Variants in IVD observed in about 807,000 individuals in gnomAD.
The protein encoded by IVD is isovaleryl-CoA dehydrogenase.
IVD carries 31 observed loss-of-function variants against 51.3 expected under a neutral mutation model. The observed-to-expected ratio is 0.60, with a 90% CI of 0.45 to 0.81. The LOEUF is 0.81. Among genes scored for constraint, IVD ranks in the 40% least tolerant of loss-of-function variants. IVD has a pLI of 0.00. For missense variants in IVD, 475 were observed against 552.0 expected (o/e 0.86, Z 1.40); for synonymous variants, 205 against 219.4 (o/e 0.93, Z 0.58).
chr15:40,419,643 C>G lies in IVD; in HGVS notation c.*1380C>G, dbSNP rs1290340978. The G allele has an allele frequency of 6.3e-6, 1 of 157,580 alleles. No individual in the cohort carries two copies. Among genetic ancestry groups the G allele is most frequent in the African/African-American group, 2.4e-5 (1 of 41,144 alleles). 9.8% of individuals were successfully genotyped at this position (157,580 alleles called of 1,614,324 possible). ...TGGCCAAGATGGTAAAACCTCGTCT[C>G]TACTAAAAATACAAAAATTAGCCAG... On this transcript the variant is annotated 3_prime_UTR_variant, in exon 12 of 12. Transcript: ENST00000487418.
downstream of IVD, among the ~76,000 whole-genome samples, chr15:40,426,704 G>T (rs892370355): frequency 6.6e-6 from 1 of 152,116 alleles, no homozygotes; most frequent in Non-Finnish European, 1.5e-5. Context: ...GTAGTTGTGG[G>T]CCTATTAGAA....
Position 40,412,483 on chromosome 15 carries a change from G to C in IVD, c.688-508G>C, listed in dbSNP as rs141426265. ...CTGAGATTGGAAATCTCAAGGTTGC[G>C]TGATGCCACCCTCATTACAGGCTGA... On this transcript the variant is annotated intron_variant, in intron 6 of 11. Coordinates refer to ENST00000487418, the MANE Select transcript of IVD (RefSeq NM_002225.5). 28 of 189,834 alleles carry C rather than the reference G, an allele frequency of 1.5e-4. No homozygotes were observed. The South Asian group carries it at 1.6e-3, about 11-fold the overall frequency. 11.8% of individuals were successfully genotyped at this position (189,834 alleles called of 1,614,324 possible). A position where few individuals can be genotyped will look rare whatever the true frequency, so the allele number is the denominator to read the frequency against.
At chr15:40,406,820 C>T (rs1197423681) in intron 1 of IVD, among the ~76,000 whole-genome samples, 2 of 151,894 alleles carry the variant, frequency 1.3e-5, no homozygotes, top group African/African-American at 4.8e-5. Context: ...GGTTCAATCC[C>T]TATTCTCAAG....
Position 40,411,157 on chromosome 15 carries a change from G to A in IVD, c.457-103G>A, listed in dbSNP as rs185945652. 128 of 1,135,706 alleles carry A rather than the reference G, an allele frequency of 1.1e-4. No homozygotes were observed. The East Asian group carries it at 1.7e-3, about 15-fold the overall frequency. 70.4% of individuals were successfully genotyped at this position (1,135,706 alleles called of 1,614,324 possible). Reference sequence around the variant, plus strand: ...TTTACCGACACCCTGGTCTGAGAGCGAAGTTTGAAGGGGTTTAATGTGGAC... The same window carrying A: ...TTTACCGACACCCTGGTCTGAGAGCAAAGTTTGAAGGGGTTTAATGTGGAC... On this transcript the variant is annotated intron_variant, in intron 4 of 11. Coordinates refer to ENST00000487418, the MANE Select transcript of IVD (RefSeq NM_002225.5).
rs1035492488 is a variant in IVD, at chr15:40,407,931, G to T, written c.235-8G>T. The T allele has an allele frequency of 6.2e-7, 1 of 1,613,912 alleles. No individual in the cohort carries two copies. Among genetic ancestry groups the T allele is most frequent in the Non-Finnish European group, 8.5e-7 (1 of 1,179,936 alleles). On this transcript the variant is annotated splice_polypyrimidine_tract_variant and splice_region_variant and intron_variant, in intron 2 of 11. Transcript: ENST00000487418. ...CACTTATTCCACTCTGCTCCATTCT[G>T]TTGGCAGGAATTTTGGAAGCAGCTG...
chr15:40,414,713 T>C (rs1891456293), intron 7 of IVD, 176 bp from the exon 8 acceptor site: 2 of 1,121,890 alleles, frequency 1.8e-6, no homozygotes, highest in East Asian at 2.9e-5. Context: ...GCTCCACTTC[T>C]GACTGGAAGG....
At chr15:40,413,298 C>G in intron 7 of IVD, 1 of 616,786 alleles carries the variant, frequency 1.6e-6, no homozygotes. Flanking sequence ...ATCACACACT[C>G]CGCATAGGGT....
chr15:40,414,412 A>G (rs984425717), intron 7 of IVD: 1 of 203,152 alleles, frequency 4.9e-6, no homozygotes, highest in East Asian at 1.0e-4. Context: ...AGAGGTGCTC[A>G]GCAGCTTCTG....
chr15:40,415,626 A>G (rs1891585985), intron 9 of IVD, 144 bp downstream of exon 9: 1 of 749,236 alleles, frequency 1.3e-6, no homozygotes. Context: ...AGTCTTCCTC[A>G]GCATGCAGCC....
intron 1 of IVD, 61 bp downstream of exon 1, chr15:40,406,032 TC>T (rs1890371508): frequency 7.1e-7 from 1 of 1,402,350 alleles, no homozygotes; most frequent in East Asian, 2.5e-5. Flanking sequence ...CCCCAAGGCC[TC>T]CTTCCTGCCT....
chr15:40,424,288 C>A, downstream of IVD: 1 of 835,202 alleles, frequency 1.2e-6, no homozygotes, highest in Non-Finnish European at 1.7e-6. Context: ...CTGCTTCCCT[C>A]CTTCCCTGCT....
chr15:40,414,862 C>T (rs1193291296), intron 7 of IVD, 27 bp from the exon 8 acceptor site: 2 of 1,613,500 alleles, frequency 1.2e-6, no homozygotes, highest in Non-Finnish European at 1.7e-6. Flanking sequence ...ACAGCTCTCT[C>T]CCTCTGACCA....
intron 8 of IVD, among the ~76,000 whole-genome samples, chr15:40,434,874 C>T (rs1046432483): frequency 7.9e-5 from 12 of 152,220 alleles, no homozygotes; most frequent in African/African-American, 2.7e-4. Context: ...GACACCCTCA[C>T]ACCCCTTACT....
Position 40,416,285 on chromosome 15 carries a change from C to G in IVD, c.1066-5C>G, listed in dbSNP as rs115077254. On this transcript the variant is annotated splice_polypyrimidine_tract_variant and splice_region_variant and intron_variant, in intron 10 of 11. Transcript: ENST00000487418. ...GGCCCTGCTGACCCCAGCTTCCTCC[C>G]GTAGGACTGTGCAGGTGTGATTCTT... The G allele has an allele frequency of 3.1e-6, 5 of 1,614,204 alleles. No homozygotes were observed. In the South Asian group the frequency reaches 5.5e-5, roughly 18 times the overall value.
At chr15:40,435,748 G>A (rs536102590), downstream of IVD, 33 of 982,260 alleles carry the variant, frequency 3.4e-5, 1 homozygote, top group South Asian at 1.3e-3. Context: ...GGTACTCGGC[G>A]CTTGGGGTGT....
In IVD at chr15:40,416,181, A is replaced by C; in HGVS notation, c.1064A>C (p.Lys355Thr). Reference protein sequence around the residue: ...KACDEGHCTAKDCAGVILYSA... With the variant: ...KACDEGHCTATDCAGVILYSA... ...TGCGATGAGGGCCATTGCACTGCTA[A>C]GGTGAGGGCCAGCCTCAGTCGGGGA... is the stretch of plus-strand genomic sequence containing the variant. Residue 355 changes from lysine to threonine, a missense_variant and splice_region_variant, in exon 10 of 12, where the codon AAG becomes ACG. Transcript: ENST00000487418. 1 of 1,614,034 alleles carries C rather than the reference A, an allele frequency of 6.2e-7. No homozygotes were observed. Among genetic ancestry groups the C allele is most frequent in the South Asian group, 1.1e-5 (1 of 91,076 alleles).
At chr15:40,408,015 A>G (rs1251963722) in intron 3 of IVD, 25 bp downstream of exon 3, 2 of 1,610,454 alleles carry the variant, frequency 1.2e-6, no homozygotes, top group South Asian at 2.2e-5. Context: ...TTTCCCTAAA[A>G]AGAACTTTTC....
At chr15:40,431,945 C>T (rs1376729345) in intron 7 of IVD, among the ~76,000 whole-genome samples, 1 of 149,168 alleles carries the variant, frequency 6.7e-6, no homozygotes, top group Non-Finnish European at 1.5e-5. Context: ...GAAAAATTGT[C>T]AGGCCTCTCA....
chr15:40,405,852 G>C lies in IVD; in HGVS notation c.25G>C (p.Gly9Arg). ...GATGGCGACTGCGACTCGGCTGCTGGGGTGGCGTGTGGCGAGCTGGAGGCT... is the reference window on the plus strand; with the variant it reads ...GATGGCGACTGCGACTCGGCTGCTGCGGTGGCGTGTGGCGAGCTGGAGGCT... MATATRLL[G>R]WRVASWRLRP... The change falls in exon 1 of 12, where the codon GGG becomes CGG. Residue 9 changes from glycine to arginine, a missense_variant. Physicochemically the swap from Gly to Arg is moderately radical, Grantham distance 125. Transcript: ENST00000487418. The C allele has an allele frequency of 6.2e-7, 1 of 1,612,782 alleles. No homozygotes were observed. The highest frequency in any genetic ancestry group is 8.5e-7 in the Non-Finnish European group (1 of 1,179,280).
Sources: gnomAD v4.1 joint callset for allele counts (sites outside exome capture counted in the v4.1 genomes callset) on GRCh38, gnomAD v4.1.1 for gene constraint, MANE v1.5 for transcripts, NCBI Gene and HGNC (gene_info 2026-07-23, HGNC 2026-07-21) for gene names.